Variants in PIP5K1A observed in about 807,000 individuals in gnomAD.
The protein encoded by PIP5K1A is phosphatidylinositol 4-phosphate 5-kinase type-1 alpha.
PIP5K1A carries 46 observed loss-of-function variants against 72.9 expected under a neutral mutation model. That is an observed-to-expected ratio of 0.63 (90% confidence interval 0.50 to 0.81). The LOEUF is 0.81. PIP5K1A is among the 30% of genes least tolerant of loss of function. The probability of loss-of-function intolerance (pLI) is 0.00; values close to 1 mark genes in which losing one functional copy is unlikely to be tolerated. For missense variants in PIP5K1A, 458 were observed against 706.1 expected (o/e 0.65, Z 3.98); for synonymous variants, 228 against 255.1 (o/e 0.89, Z 1.01).
At chr1:151,227,487 G>A in intron 4 of PIP5K1A, 87 bp downstream of exon 4, 1 of 766,278 alleles carries the variant, frequency 1.3e-6, no homozygotes, top group Non-Finnish European at 2.2e-6. Context: ...TACTCTCCAT[G>A]TACTGTCCTG....
chr1:151,239,890 G>A (rs1691437754), intron 11 of PIP5K1A, 65 bp from the exon 12 acceptor site: 2 of 1,114,874 alleles, frequency 1.8e-6, no homozygotes, highest in East Asian at 2.4e-5. Context: ...GGGGGAAGAT[G>A]GCCCTTGGAC....
At chr1:151,217,524 T>C (rs1476745793) in intron 1 of PIP5K1A, among the ~76,000 whole-genome samples, 1 of 152,234 alleles carries the variant, frequency 6.6e-6, no homozygotes, top group East Asian at 1.9e-4. Context: ...AGCTCCTTTA[T>C]GTACAGTAGG....
At chr1:151,234,622 T>G (rs1690592156) in intron 8 of PIP5K1A, 126 bp downstream of exon 8, 1 of 710,260 alleles carries the variant, frequency 1.4e-6, no homozygotes, top group Non-Finnish European at 2.4e-6. Flanking sequence ...GTATTTAAAA[T>G]AAGTCTTAAT....
chr1:151,206,122 C>A (rs183099367), intron 1 of PIP5K1A, among the ~76,000 whole-genome samples: 1 of 152,260 alleles, frequency 6.6e-6, no homozygotes, highest in African/African-American at 2.4e-5. Flanking sequence ...AGCTTTTATT[C>A]TTTTACTGTT....
intron 1 of PIP5K1A, among the ~76,000 whole-genome samples, chr1:151,204,769 A>G (rs910919148): frequency 5.3e-5 from 8 of 152,222 alleles, no homozygotes; most frequent in African/African-American, 1.9e-4. Flanking sequence ...TCTGCCAGAA[A>G]ACTGACATCA....
At chr1:151,208,749 TG>T (rs1400410220) in intron 1 of PIP5K1A, among the ~76,000 whole-genome samples, 41 of 125,920 alleles carry the variant, frequency 3.3e-4, no homozygotes, top group African/African-American at 1.2e-3. Context: ...TTTTTTTTTT[TG>T]GAGACGGAGT....
intron 1 of PIP5K1A, 153 bp downstream of exon 1, chr1:151,199,234 C>T (rs1684852067): frequency 2.8e-6 from 4 of 1,420,820 alleles, no homozygotes; most frequent in Non-Finnish European, 3.8e-6. Context: ...TATGAGCGGG[C>T]AGGAGTTTGA....
chr1:151,240,102 C>A, intron 12 of PIP5K1A, 63 bp downstream of exon 12: 1 of 1,197,990 alleles, frequency 8.3e-7, no homozygotes, highest in Non-Finnish European at 1.2e-6. Flanking sequence ...CCCAAGAGAA[C>A]AGAGGGCAGG....
intron 14 of PIP5K1A, among the ~76,000 whole-genome samples, chr1:151,246,585 A>C (rs1477410418): frequency 6.6e-6 from 1 of 152,152 alleles, no homozygotes; most frequent in African/African-American, 2.4e-5. Context: ...AGAATCACTA[A>C]ATGCAGCCCA....
At chr1:151,237,491 T>C (rs1474895888) in intron 9 of PIP5K1A, among the ~76,000 whole-genome samples, 2 of 152,062 alleles carry the variant, frequency 1.3e-5, no homozygotes, top group South Asian at 2.1e-4. Context: ...TGAGACCTCA[T>C]CACTACAAAA....
rs1419618816 is a variant in PIP5K1A, at chr1:151,202,885, G to C, written c.85+3804G>C. On this transcript the variant is annotated intron_variant, in intron 1 of 15. Transcript: ENST00000368888. ...CCTCTAGAGTTCAAGCGATTCTCCT[G>C]CTTCAGCTTCCCAAGTAACTGAGAT... Among the ~76,000 whole-genome samples, 4 of 151,482 alleles carry C rather than the reference G, an allele frequency of 2.6e-5. No homozygotes were observed. In the East Asian group the frequency reaches 7.8e-4, roughly 29 times the overall value.
Position 151,248,088 on chromosome 1 carries a change from C to A in PIP5K1A, c.*223C>A. The stretch of plus-strand genomic sequence containing the variant: ...TAGTGCCTCAGAGAGTTGAGGACCG[C>A]AGCATCCCCTCCACTCCAGAGTTGG... On this transcript the variant is annotated 3_prime_UTR_variant, in exon 16 of 16. Coordinates refer to ENST00000368888, the MANE Select transcript of PIP5K1A (RefSeq NM_001135638.2). The A allele has an allele frequency of 1.8e-6, 1 of 544,792 alleles. No homozygotes were observed. The highest frequency in any genetic ancestry group is 3.2e-5 in the East Asian group (1 of 30,996). The allele number at this position is 544,792 out of a possible 1,614,324, so 33.7% of individuals were successfully genotyped here. A position where few individuals can be genotyped will look rare whatever the true frequency, so the allele number is the denominator to read the frequency against.
At chr1:151,229,182 A>AC (rs1689638513) in intron 4 of PIP5K1A, among the ~76,000 whole-genome samples, 1 of 149,336 alleles carries the variant, frequency 6.7e-6, no homozygotes, top group Non-Finnish European at 1.5e-5. Context: ...AAAAAAAAAA[A>AC]AAAAAAAAAA....
chr1:151,205,739 A>G (rs1685834405), intron 1 of PIP5K1A, among the ~76,000 whole-genome samples: 1 of 152,132 alleles, frequency 6.6e-6, no homozygotes, highest in South Asian at 2.1e-4. Context: ...CGGAGGTTGC[A>G]GTGAGCTTAG....
At chr1:151,247,570 C>T (rs1169004365) in intron 15 of PIP5K1A, among the ~76,000 whole-genome samples, 8 of 151,870 alleles carry the variant, frequency 5.3e-5, no homozygotes, top group Admixed American at 4.6e-4. Context: ...GGACTACAGG[C>T]GCCCACCACC....
At chr1:151,239,334 G>A (rs988990346) in intron 11 of PIP5K1A, among the ~76,000 whole-genome samples, 156 bp downstream of exon 11, 5 of 149,810 alleles carry the variant, frequency 3.3e-5, no homozygotes, top group Admixed American at 6.7e-5. Context: ...GTGCAGTGGC[G>A]TGATCTCGGC....
chr1:151,203,870 A>G (rs1685559247), intron 1 of PIP5K1A, among the ~76,000 whole-genome samples: 1 of 151,992 alleles, frequency 6.6e-6, no homozygotes, highest in Non-Finnish European at 1.5e-5. Flanking sequence ...CTAGATAATC[A>G]TGAGCTGTGT....
In PIP5K1A at chr1:151,232,411, A is replaced by T. The variant is rs1472013434; in HGVS notation, c.486+46A>T. The T allele has an allele frequency of 2.7e-6, 4 of 1,505,260 alleles. No homozygotes were observed. In the East Asian group the frequency reaches 6.8e-5, roughly 25 times the overall value. The allele number at this position is 1,505,260 out of a possible 1,614,324, so 93.2% of individuals were successfully genotyped here. A position where few individuals can be genotyped will look rare whatever the true frequency, so the allele number is the denominator to read the frequency against. On this transcript the variant is annotated intron_variant, in intron 6 of 15. Transcript: ENST00000368888. ...ACACTGTGACTCCAGTATCAGAGGGATATTCCCAAAGGAAGGCCCCTTTTC... is the reference window on the plus strand; with the variant it reads ...ACACTGTGACTCCAGTATCAGAGGGTTATTCCCAAAGGAAGGCCCCTTTTC...
chr1:151,204,790 G>A (rs1685707530), intron 1 of PIP5K1A, among the ~76,000 whole-genome samples: 1 of 152,076 alleles, frequency 6.6e-6, no homozygotes, highest in Non-Finnish European at 1.5e-5. Context: ...GAATGTCATT[G>A]CTTCTGATCG....
Sources: allele counts gnomAD v4.1 joint callset (sites outside exome capture counted in the v4.1 genomes callset), GRCh38; gene constraint gnomAD v4.1.1; transcripts MANE v1.5; gene names NCBI Gene and HGNC (gene_info 2026-07-23, HGNC 2026-07-21).